The following AXL variants were observed in gnomAD, a reference collection of about 807,000 sequenced individuals.
AXL encodes AXL receptor tyrosine kinase.
In AXL, 52 loss-of-function variants were observed where a neutral mutation model predicts 104.5. That is an observed-to-expected ratio of 0.50 (90% CI 0.40 to 0.63). AXL has a LOEUF of 0.63. AXL is among the 20% of genes least tolerant of loss of function. The pLI is 0.00. For missense variants in AXL, 1,024 were observed against 1,188.5 expected (o/e 0.86, Z 2.04); for synonymous variants, 455 against 473.7 (o/e 0.96, Z 0.51).
intron 2 of AXL, 73 bp from the exon 3 acceptor site, chr19:41,221,073 C>A: frequency 7.1e-7 from 1 of 1,409,166 alleles, no homozygotes; most frequent in Non-Finnish European, 9.8e-7. Flanking sequence ...CACCCTCTTT[C>A]CGTTCTGACA....
chr19:41,243,534 G>A, intron 11 of AXL, 82 bp from the exon 12 acceptor site: 1 of 1,089,186 alleles, frequency 9.2e-7, no homozygotes, highest in Non-Finnish European at 1.4e-6. Context: ...TTGAGGCTGA[G>A]ATGGTGCTTG....
At chr19:41,236,225 C>G (rs1038040062) in intron 6 of AXL, among the ~76,000 whole-genome samples, 3 of 150,494 alleles carry the variant, frequency 2.0e-5, no homozygotes, top group African/African-American at 7.4e-5. Flanking sequence ...CCCAGCTACT[C>G]GAGAGGCTGA....
chr19:41,223,585 T>C (rs2033829795), intron 4 of AXL, among the ~76,000 whole-genome samples: 1 of 152,074 alleles, frequency 6.6e-6, no homozygotes, highest in Admixed American at 6.6e-5. Context: ...TCTGCTGGAA[T>C]GAGGAGGGGC....
At chr19:41,246,701 C>T (rs551229264) in intron 12 of AXL, among the ~76,000 whole-genome samples, 33 of 152,012 alleles carry the variant, frequency 2.2e-4, no homozygotes, top group African/African-American at 7.5e-4. Context: ...GGCAACAGAG[C>T]GAGACTCGGT....
intron 10 of AXL, 97 bp downstream of exon 10, chr19:41,239,817 TC>T (rs2034150042): frequency 6.6e-7 from 1 of 1,514,616 alleles, no homozygotes; most frequent in Non-Finnish European, 9.1e-7. Context: ...CTTTCATGTT[TC>T]TCTAACTCAT....
At position 41,259,718 on chromosome 19, in the gene AXL, C is replaced by G. The variant is rs779585650; in HGVS notation, c.2499C>G (p.Pro833=). The stretch of plus-strand genomic sequence containing the variant: ...ATGAGGGTGGAGGTTATCCTGAACC[C>G]CCTGGAGCTGCAGGAGGAGCTGACC... ...NMDEGGGYPE[P]PGAAGGADPP... The change falls in exon 20 of 20, where the codon CCC becomes CCG. Residue 833 remains proline, a synonymous_variant. Transcript: ENST00000301178. 1.2e-6 allele frequency: 2 copies of G among 1,614,114 alleles called. No homozygotes were observed. The highest frequency in any genetic ancestry group is 4.5e-5 in the East Asian group (2 of 44,888).
intron 7 of AXL, 76 bp from the exon 8 acceptor site, chr19:41,238,394 C>A (rs927538718): frequency 1.9e-6 from 3 of 1,569,082 alleles, no homozygotes; most frequent in African/African-American, 2.7e-5. Flanking sequence ...TGGCACCCTG[C>A]ACCCACTTCC....
chr19:41,226,775 G>C, intron 4 of AXL: 2 of 985,676 alleles, frequency 2.0e-6, no homozygotes, highest in Non-Finnish European at 2.4e-6. Flanking sequence ...TAAACAACAC[G>C]CAGAACTGCA....
intron 11 of AXL, 73 bp downstream of exon 11, chr19:41,243,088 G>A: frequency 1.3e-6 from 2 of 1,599,058 alleles, no homozygotes; most frequent in South Asian, 1.1e-5. Flanking sequence ...CCAGTGAGGA[G>A]GCTGGTGCAG....
chr19:41,259,579 A>G lies in AXL; in HGVS notation c.2360A>G (p.Glu787Gly). The G allele has an allele frequency of 6.2e-7, 1 of 1,610,358 alleles. No individual in the cohort carries two copies. The highest frequency in any genetic ancestry group is 8.5e-7 in the Non-Finnish European group (1 of 1,177,984). The change falls in exon 20 of 20, where the codon GAG becomes GGG. Residue 787 changes from glutamate (E) to glycine (G), a missense_variant. Transcript: ENST00000301178. ...TATGCCTTGATGTCGCGGTGCTGGG[A>G]GCTAAATCCCCAGGACCGGCCAAGT... ...GLYALMSRCW[E>G]LNPQDRPSFT... is the part of the protein sequence containing the mutation.
chr19:41,232,636 AAAAG>A (rs760903870), intron 6 of AXL, among the ~76,000 whole-genome samples: 40 of 152,134 alleles, frequency 2.6e-4, no homozygotes, highest in South Asian at 8.3e-4. Flanking sequence ...GAAAAAAAAA[AAAAG>A]AAAGAAAGAA....
chr19:41,229,975 G>A (rs2033947564), intron 4 of AXL, among the ~76,000 whole-genome samples: 1 of 152,130 alleles, frequency 6.6e-6, no homozygotes, highest in South Asian at 2.1e-4. Flanking sequence ...CCTTGTGTGT[G>A]TGTGTCTGTG....
intron 16 of AXL, among the ~76,000 whole-genome samples, chr19:41,253,239 G>C (rs2034396340): frequency 6.6e-6 from 1 of 152,176 alleles, no homozygotes; most frequent in African/African-American, 2.4e-5. Flanking sequence ...TTGCCGAGGA[G>C]GTGACCGTGA....
At chr19:41,241,572 GA>G (rs2034183263) in intron 10 of AXL, among the ~76,000 whole-genome samples, 1 of 139,656 alleles carries the variant, frequency 7.2e-6, no homozygotes, top group South Asian at 2.3e-4. Flanking sequence ...AAGAAAGAAA[GA>G]AAAAAAGAAA....
At chr19:41,232,636 A>AAAAG (rs760903870) in intron 6 of AXL, among the ~76,000 whole-genome samples, 4 of 152,018 alleles carry the variant, frequency 2.6e-5, no homozygotes, top group South Asian at 2.1e-4. Flanking sequence ...GAAAAAAAAA[A>AAAAG]AAAGAAAGAA....
At chr19:41,225,251 G>A (rs1007521957) in intron 4 of AXL, among the ~76,000 whole-genome samples, 8 of 152,102 alleles carry the variant, frequency 5.3e-5, no homozygotes, top group African/African-American at 1.9e-4. Flanking sequence ...GTGATCCACC[G>A]GCCTCGGCCT....
chr19:41,221,278 C>T, intron 3 of AXL, 32 bp downstream of exon 3: 2 of 1,591,764 alleles, frequency 1.3e-6, no homozygotes, highest in Non-Finnish European at 1.7e-6. Flanking sequence ...CCTGAGGGGT[C>T]AGAGGACATG....
intron 1 of AXL, 141 bp downstream of exon 1, chr19:41,219,618 G>A (rs2122192356): frequency 1.1e-6 from 1 of 939,828 alleles, no homozygotes; most frequent in Non-Finnish European, 1.6e-6. Context: ...GGACTTCAAG[G>A]GAGGGAGACA....
rs777910301 is a variant in AXL at position 41,239,238 on chromosome 19, A to T, written c.1209A>T (p.Thr403=). The T allele has an allele frequency of 2.5e-6, 4 of 1,612,472 alleles. No homozygotes were observed. Among genetic ancestry groups the T allele is most frequent in the Non-Finnish European group, 2.5e-6 (3 of 1,179,170 alleles). The part of the protein sequence containing the change: ...LQGDGSVSNL[T]VCVAAYTAAG... ...GGGACGGGTCTGTGTCCAATCTGAC[A>T]GTGTGTGTGGCAGCCTACACTGCTG... The change falls in exon 9 of 20, where the codon ACA becomes ACT. Residue 403 remains threonine (T), a synonymous_variant. Transcript: ENST00000301178.
Sources: allele counts gnomAD v4.1 joint callset (sites outside exome capture counted in the v4.1 genomes callset), GRCh38; gene constraint gnomAD v4.1.1; transcripts MANE v1.5; gene names NCBI Gene and HGNC (gene_info 2026-07-23, HGNC 2026-07-21).